GNAQ: variants seen among roughly 807,000 people sequenced by gnomAD.
GNAQ encodes guanine nucleotide-binding protein G(q) subunit alpha.
Under a neutral mutation model 43.9 loss-of-function variants are expected in GNAQ, and 8 were observed. The ratio of observed to expected loss-of-function variants is 0.18; its 90% CI spans 0.11 to 0.33. The LOEUF is 0.33. Ranked by LOEUF, GNAQ falls within the 10% of genes least tolerant of loss-of-function variation. GNAQ has a pLI of 1.00. For synonymous variants in GNAQ, 155 were observed against 170.7 expected (o/e 0.91, Z 0.71); for missense variants, 158 against 450.8 (o/e 0.35, Z 5.88).
At chr9:77,725,920 C>T (rs946180916) in intron 6 of GNAQ, among the ~76,000 whole-genome samples, 1 of 152,178 alleles carries the variant, frequency 6.6e-6, no homozygotes, top group East Asian at 1.9e-4. Flanking sequence ...ATCATGAAAA[C>T]GTGCCAGCCC....
chr9:77,991,454 C>G (rs1823506552), intron 1 of GNAQ, among the ~76,000 whole-genome samples: 1 of 152,182 alleles, frequency 6.6e-6, no homozygotes, highest in Non-Finnish European at 1.5e-5. Flanking sequence ...TAACCCACAC[C>G]AGGAAACAGG....
chr9:77,811,335 TATTATATATAAAGATATAAAA>T lies in GNAQ; in HGVS notation c.476+4260_476+4280del, dbSNP rs1039845377. Among the ~76,000 whole-genome samples, 28 of 39,424 alleles carry T rather than the reference TATTATATATAAAGATATAAAA, an allele frequency of 7.1e-4. No individual in the cohort carries two copies. In the East Asian group the frequency reaches 0.019, roughly 26 times the overall value. The allele number at this position is 39,424 out of a possible 152,430, so 25.9% of individuals were successfully genotyped here. ...ATATGAAGATATCTTTATAAAGATA[TATTATATATAAAGATATAAAA>T]ATATAAAGATATGAAAAAAAGGAGG... is the stretch of plus-strand genomic sequence containing the variant. On this transcript the variant is annotated intron_variant, in intron 3 of 6. Coordinates refer to ENST00000286548, the MANE Select transcript of GNAQ (RefSeq NM_002072.5).
intron 2 of GNAQ, among the ~76,000 whole-genome samples, chr9:77,896,664 A>G (rs575945100): frequency 6.6e-6 from 1 of 152,364 alleles, no homozygotes; most frequent in Admixed American, 6.5e-5. Context: ...CAATCAGGAT[A>G]CAAACAAAGG....
At chr9:78,009,360 G>T (rs1201418016) in intron 1 of GNAQ, among the ~76,000 whole-genome samples, 1 of 152,190 alleles carries the variant, frequency 6.6e-6, no homozygotes, top group East Asian at 1.9e-4. Context: ...GCCCACTCCA[G>T]AAGGCCAATC....
intron 2 of GNAQ, among the ~76,000 whole-genome samples, chr9:77,893,292 A>G (rs1828433571): frequency 6.6e-6 from 1 of 152,210 alleles, no homozygotes; most frequent in Non-Finnish European, 1.5e-5. Context: ...CGTGAAAGTG[A>G]GCTCTGGTCA....
chr9:77,885,329 G>A (rs1486312714), intron 2 of GNAQ, among the ~76,000 whole-genome samples: 2 of 152,208 alleles, frequency 1.3e-5, no homozygotes, highest in Admixed American at 1.3e-4. Flanking sequence ...AGGTGAAAAT[G>A]AGGATGCAAG....
In GNAQ at chr9:78,016,782, C is replaced by T. The variant is rs564799350; in HGVS notation, c.136+14318G>A. Reference sequence around the variant, plus strand: ...GGCATCTGTTAATTATTTTTGTAGGCATGTTTTGTAATTTTGTTAGTATAT... The same window carrying T: ...GGCATCTGTTAATTATTTTTGTAGGTATGTTTTGTAATTTTGTTAGTATAT... On this transcript the variant is annotated intron_variant, in intron 1 of 6. Coordinates refer to ENST00000286548, the MANE Select transcript of GNAQ (RefSeq NM_002072.5). 1.1e-4 allele frequency among the ~76,000 whole-genome samples: 16 copies of T among 152,012 alleles called. No homozygotes were observed. In the South Asian group the frequency reaches 3.3e-3, roughly 32 times the overall value.
intron 4 of GNAQ, among the ~76,000 whole-genome samples, chr9:77,794,899 G>GA (rs1242918878): frequency 2.0e-5 from 3 of 152,118 alleles, no homozygotes. Context: ...ATGAAGCGCT[G>GA]AAGAGTCCAA....
chr9:77,982,110 A>AT (rs767125892), intron 1 of GNAQ, among the ~76,000 whole-genome samples: 7 of 152,228 alleles, frequency 4.6e-5, no homozygotes, highest in Non-Finnish European at 8.8e-5. Flanking sequence ...GCACAGAAAG[A>AT]TTATACAACC....
intron 1 of GNAQ, among the ~76,000 whole-genome samples, chr9:78,014,810 A>G (rs1823816888): frequency 6.6e-6 from 1 of 152,222 alleles, no homozygotes; most frequent in Admixed American, 6.5e-5. Flanking sequence ...GGTACCTCAT[A>G]AAAGAGTACA....
intron 2 of GNAQ, among the ~76,000 whole-genome samples, chr9:77,837,607 T>TA (rs1360350611): frequency 7.3e-5 from 11 of 151,106 alleles, no homozygotes; most frequent in African/African-American, 2.2e-4. Flanking sequence ...ATTGATTTTT[T>TA]AAAAAAACAA....
At chr9:77,845,018 T>C (rs1222531012) in intron 2 of GNAQ, among the ~76,000 whole-genome samples, 1 of 152,200 alleles carries the variant, frequency 6.6e-6, no homozygotes, top group Non-Finnish European at 1.5e-5. Flanking sequence ...TACAAAACTA[T>C]GGGGATGAAG....
intron 1 of GNAQ, among the ~76,000 whole-genome samples, chr9:77,991,511 T>C (rs1029975313): frequency 3.9e-5 from 6 of 152,242 alleles, no homozygotes; most frequent in Admixed American, 2.0e-4. Context: ...CACATCTCCA[T>C]GGCCCTGCTC....
At chr9:77,726,706 A>T (rs1173075963) in intron 6 of GNAQ, among the ~76,000 whole-genome samples, 1 of 152,208 alleles carries the variant, frequency 6.6e-6, no homozygotes, top group African/African-American at 2.4e-5. Flanking sequence ...CCTCTATGGT[A>T]GATACTTTTG....
At chr9:77,761,026 A>G (rs1285729977) in intron 5 of GNAQ, among the ~76,000 whole-genome samples, 2 of 137,084 alleles carry the variant, frequency 1.5e-5, no homozygotes, top group Non-Finnish European at 3.2e-5. Context: ...GCCCCATCTG[A>G]GAAGTGAGGA....
intron 2 of GNAQ, among the ~76,000 whole-genome samples, chr9:77,869,768 G>A (rs1828006706): frequency 1.3e-5 from 2 of 152,258 alleles, no homozygotes; most frequent in South Asian, 4.1e-4. Context: ...CCTGCCTATA[G>A]TCAAACCCAT....
intron 2 of GNAQ, among the ~76,000 whole-genome samples, chr9:77,882,792 C>G (rs1198821686): frequency 6.6e-6 from 1 of 151,772 alleles, no homozygotes; most frequent in Non-Finnish European, 1.5e-5. Flanking sequence ...TTTCACTTGT[C>G]TGTATTGTCT....
At chr9:77,895,069 G>A (rs1375236800) in intron 2 of GNAQ, among the ~76,000 whole-genome samples, 1 of 151,516 alleles carries the variant, frequency 6.6e-6, no homozygotes, top group African/African-American at 2.4e-5. Context: ...GTGGTGGCAG[G>A]CGCCTGTAGT....
At chr9:78,021,665 T>C (rs1330119146) in intron 1 of GNAQ, among the ~76,000 whole-genome samples, 1 of 152,220 alleles carries the variant, frequency 6.6e-6, no homozygotes, top group East Asian at 1.9e-4. Context: ...CTCAGGCTCA[T>C]TGGCCAGCCA....
Sources: allele counts gnomAD v4.1 joint callset (sites outside exome capture counted in the v4.1 genomes callset), GRCh38; gene constraint gnomAD v4.1.1; transcripts MANE v1.5; gene names NCBI Gene and HGNC (gene_info 2026-07-23, HGNC 2026-07-21).